Variants in NCOR1 observed in about 807,000 individuals in gnomAD.
NCOR1 encodes protein phosphatase 1, regulatory subunit 109.
A neutral mutation model predicts 288.1 loss-of-function variants in NCOR1; 63 were observed. The observed-to-expected ratio is 0.22, with a 90% confidence interval of 0.18 to 0.27. NCOR1 has a LOEUF of 0.27. Among genes scored for constraint, NCOR1 ranks in the 10% least tolerant of loss-of-function variants. NCOR1 has a pLI of 1.00. For synonymous variants in NCOR1, 1,007 were observed against 1,065.9 expected (o/e 0.94, Z 1.08); for missense variants, 2,397 against 3,019.2 (o/e 0.79, Z 4.83).
intron 2 of NCOR1, among the ~76,000 whole-genome samples, chr17:16,190,580 A>G: frequency 6.6e-6 from 1 of 151,538 alleles, no homozygotes; most frequent in East Asian, 1.9e-4. Flanking sequence ...TGACCTCATG[A>G]TCTGCCCGCC....
At chr17:16,131,166 A>T (rs555907474) in intron 14 of NCOR1, among the ~76,000 whole-genome samples, 1 of 150,994 alleles carries the variant, frequency 6.6e-6, no homozygotes, top group East Asian at 2.0e-4. Context: ...TAATTTTTTA[A>T]TTTTTTTGTA....
At chr17:16,081,972 T>A (rs1463637996) in intron 23 of NCOR1, among the ~76,000 whole-genome samples, 1 of 152,182 alleles carries the variant, frequency 6.6e-6, no homozygotes, top group African/African-American at 2.4e-5. Context: ...AAGTAAAGAC[T>A]AAGGCAAAGC....
chr17:16,210,823 G>C (rs1412085045), intron 1 of NCOR1, among the ~76,000 whole-genome samples: 2 of 151,420 alleles, frequency 1.3e-5, no homozygotes, highest in African/African-American at 4.9e-5. Flanking sequence ...TCCGCCTCCC[G>C]GGTTCACGCC....
chr17:16,087,033 G>T (rs2064345758), intron 22 of NCOR1: 1 of 550,984 alleles, frequency 1.8e-6, no homozygotes, highest in Non-Finnish European at 2.8e-6. Flanking sequence ...AACTGATGAT[G>T]GAACGCAGAG....
intron 23 of NCOR1, 90 bp from the exon 24 acceptor site, chr17:16,080,817 G>T (rs991410735): frequency 4.9e-5 from 56 of 1,145,428 alleles, no homozygotes; most frequent in African/African-American, 3.5e-4. Context: ...TCCCATTTCT[G>T]TTTAAAAAAA....
chr17:16,034,926 T>C lies in NCOR1; in HGVS notation c.6974A>G (p.Lys2325Arg). ...SPHSGGVCKPKLISKSNSRKS... is the reference protein window; with the variant it reads ...SPHSGGVCKPRLISKSNSRKS... ...CCTGCTGTTTGACTTGCTGATCAGC[T>C]TTGGTTTGCAAACTCCTCCTGAAAG... is the stretch of plus-strand genomic sequence containing the variant. The change falls in exon 45 of 46, where the codon AAG becomes AGG. Residue 2325 changes from lysine (K) to arginine (R), a missense_variant. Around this residue, in one of 11 missense-constraint regions of NCOR1, gnomAD observed 1,872 missense variants for 2,187.8 expected, o/e 0.86. Transcript: ENST00000268712. 6.2e-6 allele frequency: 10 copies of C among 1,614,010 alleles called. No individual in the cohort carries two copies. Among genetic ancestry groups the C allele is most frequent in the African/African-American group, 1.3e-5 (1 of 75,020 alleles).
In NCOR1 at chr17:16,029,954, C is replaced by T. The variant is rs115946329; in HGVS notation, c.*2342G>A. 7.1e-3 allele frequency: 1,133 copies of T among 159,318 alleles called. 15 individuals are homozygous for T. The highest frequency in any genetic ancestry group is 0.025 in the African/African-American group (1,048 of 41,692). The allele number at this position is 159,318 out of a possible 1,614,324, so 9.9% of individuals were successfully genotyped here. A position where few individuals can be genotyped will look rare whatever the true frequency, so the allele number is the denominator to read the frequency against. On this transcript the variant is annotated 3_prime_UTR_variant, in exon 46 of 46. Transcript: ENST00000268712. The stretch of plus-strand genomic sequence containing the variant: ...ATCTGACATGTTCTCAGAAACTATA[C>T]GGTTGACCTTCAAATAATGCAGGAG...
intron 26 of NCOR1, among the ~76,000 whole-genome samples, chr17:16,077,877 A>T (rs1259270456): frequency 2.0e-5 from 3 of 152,238 alleles, no homozygotes; most frequent in Non-Finnish European, 1.5e-5. Flanking sequence ...AAATAAGATG[A>T]TAAAGTAGTT....
At chr17:16,064,232 A>T (rs774138985) in intron 34 of NCOR1, 45 bp from the exon 35 acceptor site, 4 of 1,586,152 alleles carry the variant, frequency 2.5e-6, no homozygotes, top group Admixed American at 3.5e-5. Context: ...ATATCAACTG[A>T]CTGAGTATAT....
rs1567837966 is a variant in NCOR1, at chr17:16,072,248, AT to A, written c.3812-21del. On this transcript the variant is annotated intron_variant, in intron 28 of 45. Coordinates refer to ENST00000268712, the MANE Select transcript of NCOR1 (RefSeq NM_006311.4). ...TCAGCCCTTCCAAAACAAGAAAGCA[AT>A]TCAATTATTCAACATAATGTATATG... 1 of 1,563,414 alleles carries A rather than the reference AT, an allele frequency of 6.4e-7. No homozygotes were observed. Among genetic ancestry groups the A allele is most frequent in the South Asian group, 1.1e-5 (1 of 88,688 alleles).
Position 16,101,318 on chromosome 17 carries a change from C to G in NCOR1, c.2622G>C (p.Gln874His), listed in dbSNP as rs1383822713. The G allele has an allele frequency of 6.8e-6, 11 of 1,613,770 alleles. No individual in the cohort carries two copies. Among genetic ancestry groups the G allele is most frequent in the Non-Finnish European group, 9.3e-6 (11 of 1,179,874 alleles). Residue 874 changes from glutamine (Q) to histidine (H), a missense_variant, in exon 20 of 46, where the codon CAG becomes CAC. Transcript: ENST00000268712. Reference sequence around the variant, plus strand: ...ACGTGGCACTGGAATCATTGTCTGACTGGGGCTCGGGCCTTTGGGCATTTA... The same window carrying G: ...ACGTGGCACTGGAATCATTGTCTGAGTGGGGCTCGGGCCTTTGGGCATTTA... ...QQINAQRPEP[Q>H]SDNDSSATCS...
chr17:16,095,199 G>A (rs2066196839), intron 21 of NCOR1, among the ~76,000 whole-genome samples: 2 of 150,316 alleles, frequency 1.3e-5, no homozygotes, highest in East Asian at 2.0e-4. Flanking sequence ...GAGATGTGGG[G>A]AGCGCCTCTA....
At position 16,029,307 on chromosome 17, in the gene NCOR1, A is replaced by C; in HGVS notation, c.*2989T>G. The stretch of plus-strand genomic sequence containing the variant: ...AGTTCATTTACACTGTTGTAAAATA[A>C]GGTACTGAAGCAAAAGGAGGACTGA... On this transcript the variant is annotated 3_prime_UTR_variant, in exon 46 of 46. Coordinates refer to ENST00000268712, the MANE Select transcript of NCOR1 (RefSeq NM_006311.4). 2.2e-6 allele frequency: 1 copy of C among 447,156 alleles called. No homozygotes were observed. Among genetic ancestry groups the C allele is most frequent in the Non-Finnish European group, 4.5e-6 (1 of 224,120 alleles). 27.7% of individuals were successfully genotyped at this position (447,156 alleles called of 1,614,324 possible). A position where few individuals can be genotyped will look rare whatever the true frequency, so the allele number is the denominator to read the frequency against.
At chr17:16,141,091 AACATCATAAATGTATTCCAAAAGAAGT>A (rs1443562417) in intron 11 of NCOR1, among the ~76,000 whole-genome samples, 14 of 152,250 alleles carry the variant, frequency 9.2e-5, no homozygotes, top group African/African-American at 3.4e-4. Flanking sequence ...TAGCAATGAT[AACATCATAAATGTATTCCAAAAGAAGT>A]ACATCTCCGG....
At chr17:16,113,670 A>G (rs889796470) in intron 18 of NCOR1, among the ~76,000 whole-genome samples, 1 of 152,294 alleles carries the variant, frequency 6.6e-6, no homozygotes, top group Middle Eastern at 3.4e-3. Flanking sequence ...AGGCAGGCAG[A>G]TCACTTGAGG....
In NCOR1 at chr17:16,046,974, G is replaced by A. The variant is rs1387701604; in HGVS notation, c.6656C>T (p.Ser2219Phe). ...KQEIFRKLNS[S>F]GGGDSDMAAA... ...ACCCATATCAGAGTCACCTCCACCA[G>A]AGGAGTTCAACTTACGAAAAATCTC... The change falls in exon 42 of 46, where the codon TCT becomes TTT. Residue 2219 changes from serine to phenylalanine, a missense_variant. Transcript: ENST00000268712. 1.9e-6 allele frequency: 3 copies of A among 1,613,954 alleles called. No homozygotes were observed. Among genetic ancestry groups the A allele is most frequent in the Middle Eastern group, 1.6e-4 (1 of 6,084 alleles).
intron 17 of NCOR1, among the ~76,000 whole-genome samples, chr17:16,119,180 A>G (rs1312993431): frequency 6.6e-6 from 1 of 152,234 alleles, no homozygotes; most frequent in Admixed American, 6.5e-5. Context: ...AATGACATTC[A>G]AAATAAAACT....
At chr17:16,095,647 C>T (rs2066411639) in intron 21 of NCOR1, among the ~76,000 whole-genome samples, 1 of 65,706 alleles carries the variant, frequency 1.5e-5, no homozygotes, top group Admixed American at 1.1e-4. Context: ...GGCCAGCCGC[C>T]CCGTCCGGGA....
chr17:16,198,013 A>C (rs1174504448), intron 1 of NCOR1, among the ~76,000 whole-genome samples: 1 of 151,892 alleles, frequency 6.6e-6, no homozygotes, highest in African/African-American at 2.4e-5. Flanking sequence ...CCCTATGTAA[A>C]TGGTGGCATA....
Sources: gnomAD v4.1 joint callset for allele counts (sites outside exome capture counted in the v4.1 genomes callset) on GRCh38, gnomAD v4.1.1 for gene constraint, gnomAD v4.1.1 regional missense constraint, MANE v1.5 for transcripts, NCBI Gene and HGNC (gene_info 2026-07-23, HGNC 2026-07-21) for gene names.